Variants in CFHR4 observed in about 807,000 individuals in gnomAD.
The protein encoded by CFHR4 is complement factor H-related protein 4.
A neutral mutation model predicts 69.3 loss-of-function variants in CFHR4; 64 were observed. The ratio of observed to expected loss-of-function variants is 0.92; its 90% CI spans 0.76 to 1.14. CFHR4 has a LOEUF of 1.14. CFHR4 is among the 50% of genes most tolerant of loss of function. The pLI, the probability that CFHR4 is intolerant of heterozygous loss-of-function variation, is 0.00. For missense variants in CFHR4, 636 were observed against 684.9 expected, an observed-to-expected ratio of 0.93 and a Z score of 0.80; for synonymous variants, 244 against 237.0, an observed-to-expected ratio of 1.03 and a Z score of -0.27.
At chr1:196,913,232 C>G (rs1014295151) in intron 7 of CFHR4, among the ~76,000 whole-genome samples, 1 of 151,450 alleles carries the variant, frequency 6.6e-6, no homozygotes, top group Non-Finnish European at 1.5e-5. Context: ...TTAAAAACTT[C>G]GTTGTTTTCC....
At chr1:196,906,813 T>C (rs1214582844) in intron 3 of CFHR4, 48 bp from the exon 4 acceptor site, 1 of 1,557,172 alleles carries the variant, frequency 6.4e-7, no homozygotes, top group South Asian at 1.2e-5. Context: ...AGTCGAGTTG[T>C]ACATCATATG....
chr1:196,914,134 C>T (rs114486875), intron 7 of CFHR4, among the ~76,000 whole-genome samples: 2,319 of 151,132 alleles, frequency 0.015, 139 homozygotes, highest in African/African-American at 0.053. Flanking sequence ...TAAATGGTTT[C>T]GTTAACTTTT....
chr1:196,904,482 T>C (rs1003051756), intron 2 of CFHR4, among the ~76,000 whole-genome samples: 2 of 151,508 alleles, frequency 1.3e-5, no homozygotes, highest in African/African-American at 4.9e-5. Context: ...CTTATACATA[T>C]ACCCATTAGT....
At chr1:196,903,138 C>A (rs1477972763) in intron 2 of CFHR4, among the ~76,000 whole-genome samples, 2 of 151,238 alleles carry the variant, frequency 1.3e-5, no homozygotes, top group African/African-American at 4.9e-5. Context: ...GCATTCGTGT[C>A]AGTTAGTGCA....
Position 196,902,285 on chromosome 1 carries a change from T to C in CFHR4, c.59-133T>C, listed in dbSNP as rs949277657. 12 of 653,842 alleles carry C rather than the reference T, an allele frequency of 1.8e-5. No homozygotes were observed. In the African/African-American group the frequency reaches 2.0e-4, roughly 11 times the overall value. The allele number at this position is 653,842 out of a possible 1,614,324, so 40.5% of individuals were successfully genotyped here. On this transcript the variant is annotated intron_variant, in intron 1 of 9. Transcript: ENST00000608469. Reference sequence around the variant, plus strand: ...ACATATCTAGGTCATTGGATTTCTGTAACTTTTCTTGCCCTAAAACCCCTA... The same window carrying C: ...ACATATCTAGGTCATTGGATTTCTGCAACTTTTCTTGCCCTAAAACCCCTA...
At chr1:196,889,558 G>T (rs115055088) in intron 1 of CFHR4, among the ~76,000 whole-genome samples, 2,714 of 151,504 alleles carry the variant, frequency 0.018, 152 homozygotes, top group African/African-American at 0.061. Context: ...CTCCTCCAAT[G>T]AACTCTTTGT....
chr1:196,909,688 T>C (rs937816588), intron 5 of CFHR4, among the ~76,000 whole-genome samples: 1 of 151,198 alleles, frequency 6.6e-6, no homozygotes, highest in African/African-American at 2.4e-5. Context: ...GTGAATGATA[T>C]CATCAAAAAT....
At chr1:196,901,660 T>C (rs904660373) in intron 1 of CFHR4, among the ~76,000 whole-genome samples, 1 of 151,238 alleles carries the variant, frequency 6.6e-6, no homozygotes, top group African/African-American at 2.4e-5. Context: ...TTTGGAAATA[T>C]CAAGTATAAG....
chr1:196,888,750 A>G (rs886188913), intron 1 of CFHR4, among the ~76,000 whole-genome samples: 28 of 151,646 alleles, frequency 1.8e-4, no homozygotes, highest in Non-Finnish European at 2.2e-4. Context: ...GATTAGCAAT[A>G]TGTAAATCAC....
intron 1 of CFHR4, among the ~76,000 whole-genome samples, chr1:196,888,609 A>AT (rs1254245003): frequency 6.6e-6 from 1 of 151,168 alleles, no homozygotes; most frequent in Non-Finnish European, 1.5e-5. Context: ...ACATACAGTG[A>AT]TTTTTTATTG....
At chr1:196,910,218 C>T in intron 5 of CFHR4, 63 bp from the exon 6 acceptor site, 1 of 852,302 alleles carries the variant, frequency 1.2e-6, no homozygotes, top group Non-Finnish European at 1.7e-6. Context: ...AAACAGTCAT[C>T]TCTTATATCA....
chr1:196,918,137 T>G, intron 9 of CFHR4, 73 bp from the exon 10 acceptor site: 1 of 1,433,504 alleles, frequency 7.0e-7, no homozygotes. Flanking sequence ...CCTAAACTAC[T>G]CATTAGGATG....
chr1:196,917,391 C>G (rs1658705525), intron 9 of CFHR4, among the ~76,000 whole-genome samples: 1 of 151,694 alleles, frequency 6.6e-6, no homozygotes, highest in African/African-American at 2.4e-5. Context: ...AACAAACCTG[C>G]ACATCCTGCA....
intron 2 of CFHR4, among the ~76,000 whole-genome samples, chr1:196,903,313 A>G (rs1657721828): frequency 6.6e-6 from 1 of 151,314 alleles, no homozygotes; most frequent in Non-Finnish European, 1.5e-5. Context: ...AAATTTCTGG[A>G]TAATTAGTGG....
At chr1:196,894,853 G>T (rs867671373) in intron 1 of CFHR4, among the ~76,000 whole-genome samples, 51 of 148,168 alleles carry the variant, frequency 3.4e-4, no homozygotes, top group Admixed American at 2.2e-3. Context: ...GAAGTTTGAG[G>T]TCAGCCTGGC....
intron 1 of CFHR4, among the ~76,000 whole-genome samples, chr1:196,899,858 T>G (rs1657501257): frequency 6.6e-6 from 1 of 151,600 alleles, no homozygotes; most frequent in Non-Finnish European, 1.5e-5. Context: ...TGCAGTTTTA[T>G]TAAATGTTTT....
intron 3 of CFHR4, among the ~76,000 whole-genome samples, chr1:196,906,279 A>C (rs1657903479): frequency 6.6e-6 from 1 of 151,494 alleles, no homozygotes; most frequent in African/African-American, 2.4e-5. Context: ...ATAAAATATC[A>C]ATTCGTACAT....
At chr1:196,894,863 C>G (rs1571415855) in intron 1 of CFHR4, among the ~76,000 whole-genome samples, 2 of 142,630 alleles carry the variant, frequency 1.4e-5, no homozygotes, top group East Asian at 4.1e-4. Flanking sequence ...GTCAGCCTGG[C>G]AAGCATGGCA....
chr1:196,890,439 T>C (rs1321996947), intron 1 of CFHR4, among the ~76,000 whole-genome samples: 1 of 151,678 alleles, frequency 6.6e-6, no homozygotes, highest in Non-Finnish European at 1.5e-5. Context: ...AAATTAGTAA[T>C]TGTAACCTAT....
Sources: allele counts gnomAD v4.1 joint callset (sites outside exome capture counted in the v4.1 genomes callset), GRCh38; gene constraint gnomAD v4.1.1; transcripts MANE v1.5; gene names NCBI Gene and HGNC (gene_info 2026-07-23, HGNC 2026-07-21).